Variants in MCTP2 observed in about 807,000 individuals in gnomAD.
MCTP2 encodes multiple C2 and transmembrane domain-containing protein 2.
MCTP2 carries 132 observed loss-of-function variants against 111.6 expected under a neutral mutation model. The observed-to-expected ratio is 1.18, with a 90% CI of 1.03 to 1.37. The LOEUF (loss-of-function observed/expected upper bound fraction) is 1.37. Among genes scored for constraint, MCTP2 ranks in the 40% most tolerant of loss-of-function variants. The probability of loss-of-function intolerance (pLI) is 0.00; values close to 1 mark genes in which losing one functional copy is unlikely to be tolerated. For synonymous variants in MCTP2, 395 were observed against 387.7 expected, an observed-to-expected ratio of 1.02 and a Z score of -0.22; for missense variants, 1,183 against 1,067.9, an observed-to-expected ratio of 1.11 and a Z score of -1.50.
chr15:94,361,320 C>T (rs535080597), intron 10 of MCTP2, among the ~76,000 whole-genome samples: 1 of 151,922 alleles, frequency 6.6e-6, no homozygotes, highest in African/African-American at 2.4e-5. Context: ...TAGATGGACT[C>T]TCTGGGGAAA....
At chr15:94,466,492 CT>C (rs948345734) in intron 20 of MCTP2, among the ~76,000 whole-genome samples, 3 of 152,144 alleles carry the variant, frequency 2.0e-5, no homozygotes, top group African/African-American at 7.2e-5. Context: ...TGATAGATTT[CT>C]CCACTTAGCA....
intron 17 of MCTP2, among the ~76,000 whole-genome samples, chr15:94,416,548 A>G (rs1020723157): frequency 2.0e-5 from 3 of 152,136 alleles, no homozygotes; most frequent in South Asian, 2.1e-4. Flanking sequence ...ATTACACTGA[A>G]TGTTTCATCT....
intron 2 of MCTP2, among the ~76,000 whole-genome samples, chr15:94,303,984 A>G (rs957554128): frequency 1.3e-5 from 2 of 152,218 alleles, no homozygotes; most frequent in African/African-American, 2.4e-5. Flanking sequence ...GTCCTGGGCA[A>G]GGGCATCACT....
intron 1 of MCTP2, among the ~76,000 whole-genome samples, chr15:94,276,136 G>T (rs563119702): frequency 6.6e-6 from 1 of 152,046 alleles, no homozygotes; most frequent in Non-Finnish European, 1.5e-5. Context: ...GAGCCACCGT[G>T]CCTGGCCTTT....
intron 1 of MCTP2, among the ~76,000 whole-genome samples, chr15:94,285,282 C>T (rs1398227050): frequency 2.6e-5 from 4 of 152,028 alleles, no homozygotes; most frequent in Admixed American, 2.6e-4. Flanking sequence ...CACAAAGGCA[C>T]CTCTACCTAA....
chr15:94,386,061 G>A (rs1276998715), intron 14 of MCTP2, among the ~76,000 whole-genome samples: 2 of 152,150 alleles, frequency 1.3e-5, no homozygotes, highest in Non-Finnish European at 2.9e-5. Flanking sequence ...CTTTCTTGGA[G>A]AAGGAAAAGA....
intron 7 of MCTP2, chr15:94,343,607 C>A (rs1031291433): frequency 6.6e-6 from 1 of 152,176 alleles, no homozygotes; most frequent in Non-Finnish European, 1.5e-5. Flanking sequence ...CAAACATACT[C>A]TGTGTTCTTT....
chr15:94,356,978 T>C (rs1455600973), intron 9 of MCTP2, among the ~76,000 whole-genome samples: 2 of 152,170 alleles, frequency 1.3e-5, no homozygotes, highest in Non-Finnish European at 2.9e-5. Context: ...CAGACAGGAA[T>C]ATTTCCTATG....
At chr15:94,379,153 A>G (rs1285491215) in intron 12 of MCTP2, among the ~76,000 whole-genome samples, 1 of 151,900 alleles carries the variant, frequency 6.6e-6, no homozygotes, top group Non-Finnish European at 1.5e-5. Flanking sequence ...CGTGCAAAGT[A>G]GGAAGCAGAA....
At chr15:94,442,689 G>C (rs190193047) in intron 18 of MCTP2, among the ~76,000 whole-genome samples, 3 of 152,164 alleles carry the variant, frequency 2.0e-5, no homozygotes, top group African/African-American at 7.2e-5. Context: ...AAGGGCACTG[G>C]CCTAATAGCT....
chr15:94,388,982 G>C (rs8027875), intron 14 of MCTP2, among the ~76,000 whole-genome samples: 143,624 of 152,216 alleles, frequency 0.94, 67,841 homozygotes, highest in East Asian at 0.99. Context: ...GGTCGGGGTT[G>C]GGGGGTGGCA....
At chr15:94,477,086 A>G (rs1455715187) in intron 22 of MCTP2, among the ~76,000 whole-genome samples, 1 of 152,204 alleles carries the variant, frequency 6.6e-6, no homozygotes, top group Non-Finnish European at 1.5e-5. Context: ...CCTAAAGAGG[A>G]TAAGATGGGC....
intron 19 of MCTP2, among the ~76,000 whole-genome samples, chr15:94,454,106 A>T (rs1596769123): frequency 6.6e-6 from 1 of 152,040 alleles, no homozygotes; most frequent in African/African-American, 2.4e-5. Flanking sequence ...AATTATTTTC[A>T]TTTTTTTACC....
At chr15:94,237,499 C>T (rs1394327175) in intron 1 of MCTP2, among the ~76,000 whole-genome samples, 1 of 151,800 alleles carries the variant, frequency 6.6e-6, no homozygotes, top group Admixed American at 6.6e-5. Flanking sequence ...GACTCATGCC[C>T]TACAAACTAT....
Position 94,442,964 on chromosome 15 carries a change from C to T in MCTP2, c.2250+4C>T, listed in dbSNP as rs2083866777. 4 of 1,611,054 alleles carry T rather than the reference C, an allele frequency of 2.5e-6. No homozygotes were observed. The highest frequency in any genetic ancestry group is 3.4e-6 in the Non-Finnish European group (4 of 1,178,756). ...CGAGGAGGATGAAGATGACAAGGTG[C>T]GTATGTTCAAGAAAGAACACACACA... On this transcript the variant is annotated splice_donor_region_variant and intron_variant, in intron 19 of 22. Coordinates refer to ENST00000357742, the MANE Select transcript of MCTP2 (RefSeq NM_001385001.1).
intron 1 of MCTP2, among the ~76,000 whole-genome samples, chr15:94,234,863 G>A (rs2070434125): frequency 6.6e-6 from 1 of 152,204 alleles, no homozygotes; most frequent in African/African-American, 2.4e-5. Context: ...AGATGCCACA[G>A]GGGCCTTGGA....
chr15:94,433,411 A>G (rs1158065221), intron 17 of MCTP2, among the ~76,000 whole-genome samples: 3 of 152,170 alleles, frequency 2.0e-5, no homozygotes. Context: ...TAGAGTAAGA[A>G]GTTTCCTTGG....
chr15:94,384,175 T>TG, intron 13 of MCTP2, 51 bp downstream of exon 13: 4 of 1,274,120 alleles, frequency 3.1e-6, no homozygotes, highest in African/African-American at 1.5e-5. Context: ...GAAGGTAGTC[T>TG]GGGGCTCTTG....
chr15:94,403,491 G>A (rs12437534), intron 17 of MCTP2, among the ~76,000 whole-genome samples: 18,543 of 152,202 alleles, frequency 0.12, 1,300 homozygotes, highest in African/African-American at 0.13. Context: ...CTGTGAGGAG[G>A]AGAGGATTTC....
Sources: allele counts gnomAD v4.1 joint callset (sites outside exome capture counted in the v4.1 genomes callset), GRCh38; gene constraint gnomAD v4.1.1; transcripts MANE v1.5; gene names NCBI Gene and HGNC (gene_info 2026-07-23, HGNC 2026-07-21).